The following CASK variants were observed in gnomAD, a reference collection of about 807,000 sequenced individuals.
CASK encodes the protein calcium/calmodulin dependent serine protein kinase.
A neutral mutation model predicts 82.9 loss-of-function variants in CASK; 4 were observed. The ratio of observed to expected loss-of-function variants is 0.05; its 90% CI spans 0.02 to 0.11. The LOEUF is 0.11. CASK is among the 10% of genes least tolerant of loss of function. The probability of loss-of-function intolerance (pLI) is 1.00; values close to 1 mark genes in which losing one functional copy is unlikely to be tolerated. For synonymous variants in CASK, 259 were observed against 253.5 expected, an observed-to-expected ratio of 1.02 and a Z score of -0.20; for missense variants, 358 against 720.9, an observed-to-expected ratio of 0.50 and a Z score of 5.76.
chrX:41,784,833 G>A (rs12392316), intron 3 of CASK, among the ~76,000 whole-genome samples: 55 of 109,607 alleles, frequency 5.0e-4, no homozygotes, highest in Admixed American at 5.9e-4. Context: ...CCGAGATTGC[G>A]CCACTGCACT....
Position 41,849,143 on chromosome X carries a change from A to G in CASK, c.172+3972T>C, listed in dbSNP as rs749757097. On this transcript the variant is annotated intron_variant, in intron 2 of 26. Coordinates refer to ENST00000378163, the MANE Select transcript of CASK (RefSeq NM_001367721.1). Reference sequence around the variant, plus strand: ...CAAAATATACTCTTTCTAGAACACAATTTATAATACTCCCAAATAAAAACA... The same window carrying G: ...CAAAATATACTCTTTCTAGAACACAGTTTATAATACTCCCAAATAAAAACA... Among the ~76,000 whole-genome samples, 12 of 111,880 alleles carry G rather than the reference A, an allele frequency of 1.1e-4. No individual in the cohort carries two copies. In the South Asian group the frequency reaches 4.5e-3, roughly 42 times the overall value.
chrX:41,707,352 C>T (rs1009512879), intron 5 of CASK, among the ~76,000 whole-genome samples: 1 of 112,163 alleles, frequency 8.9e-6, no homozygotes. Flanking sequence ...CCAGGTGATG[C>T]TCCAGACACG....
chrX:41,640,726 C>T (rs2066633904), intron 8 of CASK, among the ~76,000 whole-genome samples: 1 of 110,754 alleles, frequency 9.0e-6, no homozygotes, highest in South Asian at 3.7e-4. Flanking sequence ...TGTATGTTTT[C>T]TTATTATTGA....
At position 41,534,740 on chromosome X, in the gene CASK, T is replaced by C; in HGVS notation, c.2283A>G (p.Thr761=). The change falls in exon 24 of 27, where the codon ACA becomes ACG. Residue 761 remains threonine (T), a synonymous_variant. Transcript: ENST00000378163. ...GGTACGCAAACCGGTCTGGGTGCTT[T>C]GTGATGAGAGTGTTTTTTATGTGTC... ...GRRHIKNTLI[T]KHPDRFAYPI... is the part of the protein sequence containing the mutation. 2.5e-6 allele frequency: 3 copies of C among 1,209,890 alleles called. No individual in the cohort carries two copies. Among genetic ancestry groups the C allele is most frequent in the Non-Finnish European group, 3.4e-6 (3 of 893,786 alleles).
At position 41,603,553 on chromosome X, in the gene CASK, CT is replaced by C. The variant is rs756539214; in HGVS notation, c.1155+6350del. Among the ~76,000 whole-genome samples, 327 of 112,338 alleles carry C rather than the reference CT, an allele frequency of 2.9e-3. 1 individual carries two copies. The highest frequency in any genetic ancestry group is 3.0e-3 in the Non-Finnish European group (158 of 53,259). ...ATGCAATATTTAAAAGTTACTAAGT[CT>C]ATTATAAAAGTCTACTTATAAATTA... On this transcript the variant is annotated intron_variant, in intron 12 of 26. Coordinates refer to ENST00000378163, the MANE Select transcript of CASK (RefSeq NM_001367721.1).
Position 41,777,940 on chromosome X carries a change from T to C in CASK, c.278+9238A>G, listed in dbSNP as rs188166223. ...TTATGTACAAGATATTAATTATAAA[T>C]TATTTCTAATAGGGAAAAACAATGT... On this transcript the variant is annotated intron_variant, in intron 3 of 26. Transcript: ENST00000378163. 1.6e-3 allele frequency among the ~76,000 whole-genome samples: 184 copies of C among 111,706 alleles called. 1 individual carries two copies. Among genetic ancestry groups the C allele is most frequent in the Non-Finnish European group, 3.0e-3 (157 of 53,161 alleles).
chrX:41,870,793 G>C (rs1419255982), intron 1 of CASK, among the ~76,000 whole-genome samples: 1 of 112,015 alleles, frequency 8.9e-6, no homozygotes, highest in South Asian at 3.7e-4. Context: ...ACAGTGTTAG[G>C]GGAACTGGTG....
chrX:41,696,647 G>A, intron 5 of CASK: 1 of 1,210,473 alleles, frequency 8.3e-7, no homozygotes, highest in Non-Finnish European at 1.1e-6. Flanking sequence ...GCAAAATAAT[G>A]TGCCAACTTC....
chrX:41,554,289 T>C (rs1176623802), intron 20 of CASK, among the ~76,000 whole-genome samples: 1 of 111,843 alleles, frequency 8.9e-6, no homozygotes, highest in African/African-American at 3.2e-5. Flanking sequence ...TTGTCATGAC[T>C]GCGTGGCAGC....
intron 1 of CASK, among the ~76,000 whole-genome samples, chrX:41,894,243 C>T (rs1601949080): frequency 9.1e-6 from 1 of 109,751 alleles, no homozygotes; most frequent in African/African-American, 3.3e-5. Flanking sequence ...TTGAAAAGTA[C>T]TATAATTGAC....
chrX:41,791,856 T>C (rs2069729130), intron 2 of CASK, among the ~76,000 whole-genome samples: 1 of 112,123 alleles, frequency 8.9e-6, no homozygotes, highest in South Asian at 3.7e-4. Flanking sequence ...TAAAAATATT[T>C]TAAACTAATC....
chrX:41,659,082 ACTCTGATGAT>A (rs933537321), intron 8 of CASK, among the ~76,000 whole-genome samples: 4 of 110,988 alleles, frequency 3.6e-5, no homozygotes, highest in African/African-American at 1.3e-4. Context: ...CAGAGAGAGA[ACTCTGATGAT>A]GCAGGAAGGG....
rs200803770 is a variant in CASK, at chrX:41,622,594, A to C, written c.1033+23T>G. On this transcript the variant is annotated intron_variant, in intron 11 of 26. Coordinates refer to ENST00000378163, the MANE Select transcript of CASK (RefSeq NM_001367721.1). Reference sequence around the variant, plus strand: ...ACTTTTGCATAAAAGATACACCTTAAAGGAAAACAAAGGGATACCTACTTT... The same window carrying C: ...ACTTTTGCATAAAAGATACACCTTACAGGAAAACAAAGGGATACCTACTTT... 6.1e-4 allele frequency: 720 copies of C among 1,182,212 alleles called. No individual in the cohort carries two copies. Among genetic ancestry groups the C allele is most frequent in the South Asian group, 4.3e-3 (234 of 54,261 alleles).
At chrX:41,919,228 T>C (rs780784805) in intron 1 of CASK, 1 of 111,759 alleles carries the variant, frequency 8.9e-6, no homozygotes, top group Non-Finnish European at 1.9e-5. Flanking sequence ...TAACTGTAAT[T>C]AAATAAAAGT....
At chrX:41,889,440 T>C (rs1276986052) in intron 1 of CASK, among the ~76,000 whole-genome samples, 1 of 111,450 alleles carries the variant, frequency 9.0e-6, no homozygotes, top group Non-Finnish European at 1.9e-5. Flanking sequence ...TGGCCATTTG[T>C]ATTTCTTCTT....
intron 3 of CASK, among the ~76,000 whole-genome samples, chrX:41,774,217 T>C (rs1432582641): frequency 9.0e-6 from 1 of 110,538 alleles, no homozygotes; most frequent in Non-Finnish European, 1.9e-5. Flanking sequence ...AAAATCTCCT[T>C]AAGCTGATAA....
intron 11 of CASK, among the ~76,000 whole-genome samples, chrX:41,612,264 T>G (rs1375870025): frequency 9.2e-6 from 1 of 108,764 alleles, no homozygotes; most frequent in East Asian, 3.0e-4. Flanking sequence ...GGAGCGTCTC[T>G]GCCTGGCCGC....
rs1407573979 is a variant in CASK, at chrX:41,518,900, T to A, written c.*1520A>T. On this transcript the variant is annotated 3_prime_UTR_variant, in exon 27 of 27. Coordinates refer to ENST00000378163, the MANE Select transcript of CASK (RefSeq NM_001367721.1). ...GGAAGAATGTGACTTCATGGAAGAG[T>A]TATGAGATGGTTAATGTCTCTAAAG... 2.7e-5 allele frequency: 3 copies of A among 110,964 alleles called. No homozygotes were observed. The allele number at this position is 110,964 out of a possible 1,213,427, so 9.1% of individuals were successfully genotyped here. A position where few individuals can be genotyped will look rare whatever the true frequency, so the allele number is the denominator to read the frequency against.
chrX:41,663,546 C>A (rs986708824), intron 7 of CASK, among the ~76,000 whole-genome samples: 2 of 111,764 alleles, frequency 1.8e-5, no homozygotes, highest in African/African-American at 6.5e-5. Context: ...AGTCTTTTTA[C>A]CAAGAAACAA....
Sources: allele counts gnomAD v4.1 joint callset (sites outside exome capture counted in the v4.1 genomes callset), GRCh38; gene constraint gnomAD v4.1.1; transcripts MANE v1.5; gene names NCBI Gene and HGNC (gene_info 2026-07-23, HGNC 2026-07-21).